Variants in SPINT2 observed in about 807,000 individuals in gnomAD.
The protein encoded by SPINT2 is kunitz-type protease inhibitor 2.
A neutral mutation model predicts 30.1 loss-of-function variants in SPINT2; 18 were observed. The ratio of observed to expected loss-of-function variants is 0.60; its 90% CI spans 0.41 to 0.89. The LOEUF is 0.89. Among genes scored for constraint, SPINT2 ranks in the 40% least tolerant of loss-of-function variants. The pLI is 0.00. For missense variants in SPINT2, 276 were observed against 334.3 expected (o/e 0.83, Z 1.36); for synonymous variants, 139 against 137.9 (o/e 1.01, Z -0.05).
intron 1 of SPINT2, among the ~76,000 whole-genome samples, chr19:38,275,197 A>T (rs1188750616): frequency 6.6e-6 from 1 of 152,256 alleles, no homozygotes; most frequent in Admixed American, 6.5e-5. Flanking sequence ...ATTCTTTTGC[A>T]CAGAAATTAA....
chr19:38,269,401 T>TC (rs2146265536), intron 1 of SPINT2, among the ~76,000 whole-genome samples: 1 of 15,340 alleles, frequency 6.5e-5, no homozygotes, highest in East Asian at 1.0e-3. Flanking sequence ...CTCCTGCACC[T>TC]TTTTTTTTTT....
At chr19:38,268,522 T>C (rs1968407719) in intron 1 of SPINT2, among the ~76,000 whole-genome samples, 1 of 152,206 alleles carries the variant, frequency 6.6e-6, no homozygotes, top group Admixed American at 6.6e-5. Context: ...CAGGCCTGTT[T>C]TCCTGCCCAG....
chr19:38,269,809 C>T (rs1354701616), intron 1 of SPINT2, among the ~76,000 whole-genome samples: 1 of 87,536 alleles, frequency 1.1e-5, no homozygotes, highest in Admixed American at 1.0e-4. Flanking sequence ...CGGGGTTTCA[C>T]CGTGTTAGCC....
At chr19:38,278,762 A>T (rs576559543) in intron 1 of SPINT2, among the ~76,000 whole-genome samples, 2 of 152,296 alleles carry the variant, frequency 1.3e-5, no homozygotes, top group African/African-American at 4.8e-5. Context: ...TGATCATGCC[A>T]CTGTACTCCA....
In SPINT2 at chr19:38,264,668, T is replaced by G; in HGVS notation, c.-225T>G. The G allele has an allele frequency of 2.5e-5, 13 of 525,968 alleles. No individual in the cohort carries two copies. Among genetic ancestry groups the G allele is most frequent in the South Asian group, 4.7e-5 (2 of 42,808 alleles). The allele number at this position is 525,968 out of a possible 1,614,324, so 32.6% of individuals were successfully genotyped here. On this transcript the variant is annotated 5_prime_UTR_variant, in exon 1 of 7. Transcript: ENST00000301244. The stretch of plus-strand genomic sequence containing the variant: ...GTGTCGCAGGCGGCGAGGGCGCGAG[T>G]GAGGAGCAGACCCAGGCATCGCGCG...
intron 1 of SPINT2, among the ~76,000 whole-genome samples, chr19:38,280,931 A>C (rs1278649073): frequency 6.6e-6 from 1 of 152,256 alleles, no homozygotes; most frequent in African/African-American, 2.4e-5. Context: ...AAGCTAAGAC[A>C]CAAAGCAGCC....
chr19:38,276,573 CGGAG>C (rs1177135769), intron 1 of SPINT2, among the ~76,000 whole-genome samples: 2 of 151,854 alleles, frequency 1.3e-5, no homozygotes, highest in Middle Eastern at 3.4e-3. Flanking sequence ...ACCCAGGAGG[CGGAG>C]CTTTCAGTGA....
chr19:38,264,902 C>G lies in SPINT2; in HGVS notation c.10C>G (p.Leu4Val), dbSNP rs1351724924. Residue 4 changes from leucine (L) to valine (V), a missense_variant, in exon 1 of 7, where the codon CTG (leucine) becomes GTG (valine). Coordinates refer to ENST00000301244, the MANE Select transcript of SPINT2 (RefSeq NM_021102.4). ...CTCGGCTGAGCTGGCCATGGCGCAG[C>G]TGTGCGGGCTGAGGCGGAGCCGGGC... MAQ[L>V]CGLRRSRAFL... 1 of 1,534,894 alleles carries G rather than the reference C, an allele frequency of 6.5e-7. No individual in the cohort carries two copies. The highest frequency in any genetic ancestry group is 1.4e-5 in the African/African-American group (1 of 72,950).
chr19:38,283,885 A>G, intron 2 of SPINT2, 88 bp downstream of exon 2: 1 of 1,393,814 alleles, frequency 7.2e-7, no homozygotes, highest in South Asian at 1.3e-5. Flanking sequence ...TCTGTCGCCC[A>G]GGCTGGAGTG....
chr19:38,281,275 A>G (rs1968578642), intron 1 of SPINT2, among the ~76,000 whole-genome samples: 1 of 152,052 alleles, frequency 6.6e-6, no homozygotes, highest in Non-Finnish European at 1.5e-5. Context: ...TTAAAAAAAA[A>G]ATTTTTTTTC....
chr19:38,282,082 G>A (rs140080372), intron 1 of SPINT2, among the ~76,000 whole-genome samples: 25 of 152,288 alleles, frequency 1.6e-4, no homozygotes, highest in Admixed American at 7.2e-4. Flanking sequence ...GTGTGGGTGG[G>A]ATTTCCTTGG....
At chr19:38,278,434 A>C (rs998361775) in intron 1 of SPINT2, among the ~76,000 whole-genome samples, 1 of 152,196 alleles carries the variant, frequency 6.6e-6, no homozygotes, top group Non-Finnish European at 1.5e-5. Context: ...TCGTTTGTAA[A>C]GCGGAGATAT....
intron 1 of SPINT2, among the ~76,000 whole-genome samples, chr19:38,281,709 CA>C (rs879535887): frequency 6.8e-4 from 96 of 141,288 alleles, no homozygotes; most frequent in East Asian, 8.1e-4. Context: ...AACTCTGTCT[CA>C]AAAAAAAAAA....
chr19:38,283,859 T>G (rs1968611122), intron 2 of SPINT2, 62 bp downstream of exon 2: 11 of 1,039,430 alleles, frequency 1.1e-5, no homozygotes, highest in Non-Finnish European at 1.5e-5. Flanking sequence ...TTTTTTTTTT[T>G]GAGACGGAGT....
intron 2 of SPINT2, among the ~76,000 whole-genome samples, chr19:38,286,797 G>A (rs8100926): frequency 0.4 from 60,321 of 151,764 alleles, 12,713 homozygotes; most frequent in East Asian, 0.64. Context: ...CGAAAAATTT[G>A]TCATGTTAAC....
At chr19:38,284,792 A>G (rs913373422) in intron 2 of SPINT2, among the ~76,000 whole-genome samples, 2 of 151,956 alleles carry the variant, frequency 1.3e-5, no homozygotes, top group Admixed American at 6.6e-5. Context: ...CTGTCGCCCA[A>G]GTTGGAGTGC....
chr19:38,270,636 A>C (rs1048978584), intron 1 of SPINT2, among the ~76,000 whole-genome samples: 14 of 152,292 alleles, frequency 9.2e-5, no homozygotes, highest in Admixed American at 7.2e-4. Flanking sequence ...TCACCGCGGG[A>C]GACTGGCCCC....
rs549933999 is a variant in SPINT2 at position 38,290,032 on chromosome 19, C to T, written c.392-87C>T. Reference sequence around the variant, plus strand: ...AGAGATGTTTCTCCGTCTGCTGGAGCCGCAAGCCTCCTCAGGCACTTTCTG... The same window carrying T: ...AGAGATGTTTCTCCGTCTGCTGGAGTCGCAAGCCTCCTCAGGCACTTTCTG... On this transcript the variant is annotated intron_variant, in intron 4 of 6. Coordinates refer to ENST00000301244, the MANE Select transcript of SPINT2 (RefSeq NM_021102.4). This position sits in a 1 kb window ranked among gnomAD's most constrained non-coding sequence, Gnocchi z 4.3. 3.5e-6 allele frequency: 5 copies of T among 1,433,646 alleles called. No homozygotes were observed. The South Asian group carries it at 5.7e-5, about 16-fold the overall frequency. 88.8% of individuals were successfully genotyped at this position (1,433,646 alleles called of 1,614,324 possible).
At position 38,269,389 on chromosome 19, in the gene SPINT2, C is replaced by T. The variant is rs1355812236; in HGVS notation, c.106+4391C>T. ...AGCAGGGCAACACTTATTTGAGAAC[C>T]TCTCCTGCACCTTTTTTTTTTTTTT... On this transcript the variant is annotated intron_variant, in intron 1 of 6. Coordinates refer to ENST00000301244, the MANE Select transcript of SPINT2 (RefSeq NM_021102.4). Among the ~76,000 whole-genome samples the T allele has an allele frequency of 2.7e-5, 4 of 147,820 alleles. No individual in the cohort carries two copies. The Admixed American group carries it at 2.8e-4, about 10-fold the overall frequency.
Sources: allele counts gnomAD v4.1 joint callset (sites outside exome capture counted in the v4.1 genomes callset), GRCh38; gene constraint gnomAD v4.1.1; non-coding constraint Gnocchi (gnomAD v3.1); transcripts MANE v1.5; gene names NCBI Gene and HGNC (gene_info 2026-07-23, HGNC 2026-07-21).